IQCM: variants seen among roughly 807,000 people sequenced by gnomAD.
IQCM encodes the protein IQ domain-containing protein M.
IQCM carries 45 observed loss-of-function variants against 57.6 expected under a neutral mutation model. The ratio of observed to expected loss-of-function variants is 0.78; its 90% CI spans 0.62 to 1.00. The LOEUF (loss-of-function observed/expected upper bound fraction) is 1.00, where lower values mean the gene tolerates loss of function less well. IQCM is among the 50% of genes least tolerant of loss of function. The pLI, the probability that IQCM is intolerant of heterozygous loss-of-function variation, is 0.00. For synonymous variants in IQCM, 148 were observed against 158.9 expected (o/e 0.93, Z 0.51); for missense variants, 468 against 511.6 (o/e 0.91, Z 0.82).
chr4:149,648,495 A>G (rs1429119850), intron 7 of IQCM, among the ~76,000 whole-genome samples: 1 of 152,208 alleles, frequency 6.6e-6, no homozygotes, highest in African/African-American at 2.4e-5. Context: ...AAGTGCCGTA[A>G]TAAACATATA....
intron 9 of IQCM, among the ~76,000 whole-genome samples, chr4:149,578,187 C>T (rs908014562): frequency 4.0e-5 from 6 of 151,672 alleles, no homozygotes; most frequent in African/African-American, 7.3e-5. Context: ...ACCTCTCTTG[C>T]TATTTAGATA....
intron 12 of IQCM, among the ~76,000 whole-genome samples, chr4:149,464,666 G>A (rs1368676965): frequency 1.3e-5 from 2 of 151,998 alleles, no homozygotes; most frequent in Admixed American, 6.6e-5. Context: ...CTTGACCTAG[G>A]GGATCTACAT....
chr4:149,734,829 G>C lies in IQCM; in HGVS notation c.120+547C>G, dbSNP rs73857723. On this transcript the variant is annotated intron_variant, in intron 4 of 13. Transcript: ENST00000636793. ...CCTTTCACTCCTTCTTCTCACTTTC[G>C]AAATATATGCCATTCAGCAAATATT... 9.0e-3 allele frequency among the ~76,000 whole-genome samples: 1,367 copies of C among 151,908 alleles called. 10 individuals carry two copies. The highest frequency in any genetic ancestry group is 0.031 in the African/African-American group (1,268 of 41,430).
At chr4:149,468,157 GC>G (rs1241679704) in intron 12 of IQCM, among the ~76,000 whole-genome samples, 3 of 151,964 alleles carry the variant, frequency 2.0e-5, no homozygotes, top group African/African-American at 7.2e-5. Flanking sequence ...AGTGGATGCA[GC>G]CCATGGAGCT....
intron 5 of IQCM, among the ~76,000 whole-genome samples, chr4:149,712,508 T>C (rs1199824383): frequency 6.6e-6 from 1 of 152,138 alleles, no homozygotes; most frequent in Non-Finnish European, 1.5e-5. Flanking sequence ...TACGCTCATA[T>C]ATTCACTTCA....
intron 2 of IQCM, among the ~76,000 whole-genome samples, chr4:149,801,180 C>T (rs1262510925): frequency 2.0e-5 from 3 of 151,774 alleles, no homozygotes; most frequent in African/African-American, 7.3e-5. Flanking sequence ...ATCAAAACTA[C>T]AATGAGATCA....
At chr4:149,519,022 C>T (rs1745301126) in intron 12 of IQCM, among the ~76,000 whole-genome samples, 1 of 152,142 alleles carries the variant, frequency 6.6e-6, no homozygotes, top group South Asian at 2.1e-4. Context: ...GAGAAAAAAG[C>T]AGAGGAAAGA....
At chr4:149,676,700 T>G (rs551420448) in intron 7 of IQCM, among the ~76,000 whole-genome samples, 1 of 152,158 alleles carries the variant, frequency 6.6e-6, no homozygotes, top group South Asian at 2.1e-4. Context: ...AAGGCAAGGC[T>G]TCAAAAGGAA....
intron 13 of IQCM, among the ~76,000 whole-genome samples, chr4:149,428,237 G>A (rs1406131005): frequency 6.6e-6 from 1 of 151,596 alleles, no homozygotes; most frequent in African/African-American, 2.4e-5. Flanking sequence ...CAAAAAATTA[G>A]ATTAAAAAAT....
At chr4:149,744,796 C>A (rs1268690350) in intron 2 of IQCM, among the ~76,000 whole-genome samples, 1 of 151,868 alleles carries the variant, frequency 6.6e-6, no homozygotes, top group Admixed American at 6.6e-5. Context: ...TATTTAGTGC[C>A]TGAGCTGTGC....
At chr4:149,504,700 G>A (rs1044930375) in intron 12 of IQCM, among the ~76,000 whole-genome samples, 3 of 152,136 alleles carry the variant, frequency 2.0e-5, no homozygotes, top group South Asian at 4.1e-4. Context: ...GCTCACTTGA[G>A]GCCAGGAGTT....
chr4:149,484,117 T>TTTTG (rs886602549), intron 12 of IQCM, among the ~76,000 whole-genome samples: 11 of 152,028 alleles, frequency 7.2e-5, no homozygotes, highest in East Asian at 3.9e-4. Flanking sequence ...CCTGCTCTTT[T>TTTTG]TTTGTTTGTT....
rs559568745 is a variant in IQCM at position 149,743,485 on chromosome 4, A to G, written c.-48-746T>C. 2.1e-4 allele frequency among the ~76,000 whole-genome samples: 25 copies of G among 120,500 alleles called. 1 individual carries two copies. Among genetic ancestry groups the G allele is most frequent in the East Asian group, 2.4e-4 (1 of 4,250 alleles). 79.1% of individuals were successfully genotyped at this position (120,500 alleles called of 152,430 possible). ...TATCTATATTCCCAATTTTAGTCCTATACATTCCCAGTTAGACTCCAAATG... is the reference window on the plus strand; with the variant it reads ...TATCTATATTCCCAATTTTAGTCCTGTACATTCCCAGTTAGACTCCAAATG... On this transcript the variant is annotated intron_variant, in intron 2 of 13. Coordinates refer to ENST00000636793, the MANE Select transcript of IQCM (RefSeq NM_001363507.2).
intron 12 of IQCM, among the ~76,000 whole-genome samples, chr4:149,452,847 CAA>C (rs1189381739): frequency 6.7e-6 from 1 of 150,366 alleles, no homozygotes; most frequent in Non-Finnish European, 1.5e-5. Context: ...TATTCTCTAG[CAA>C]AGTTTAATTT....
intron 5 of IQCM, among the ~76,000 whole-genome samples, chr4:149,725,911 G>A (rs1420711165): frequency 6.6e-6 from 1 of 151,818 alleles, no homozygotes; most frequent in African/African-American, 2.4e-5. Context: ...CTATCTTCTT[G>A]TTCTACTAAT....
intron 9 of IQCM, among the ~76,000 whole-genome samples, chr4:149,564,419 C>T (rs534005354): frequency 3.3e-5 from 5 of 152,176 alleles, no homozygotes; most frequent in Non-Finnish European, 2.9e-5. Context: ...GTCTGCAATA[C>T]GGCTATGGGT....
intron 8 of IQCM, among the ~76,000 whole-genome samples, chr4:149,590,410 C>A (rs111258176): frequency 2.2e-3 from 330 of 151,688 alleles, no homozygotes; most frequent in African/African-American, 7.1e-3. Context: ...CTCTTAAATT[C>A]TTTCTCTCTT....
chr4:149,405,078 G>A (rs972601396), intron 13 of IQCM, among the ~76,000 whole-genome samples: 9 of 151,998 alleles, frequency 5.9e-5, no homozygotes, highest in African/African-American at 1.7e-4. Context: ...ATTCATTTAG[G>A]AGTCTCCTGT....
At chr4:149,637,864 C>T (rs1757858709) in intron 7 of IQCM, among the ~76,000 whole-genome samples, 1 of 152,070 alleles carries the variant, frequency 6.6e-6, no homozygotes, top group South Asian at 2.1e-4. Flanking sequence ...GCTAAAACAA[C>T]AAAGCTACCG....
Sources: gnomAD v4.1 joint callset for allele counts (sites outside exome capture counted in the v4.1 genomes callset) on GRCh38, gnomAD v4.1.1 for gene constraint, MANE v1.5 for transcripts, NCBI Gene and HGNC (gene_info 2026-07-23, HGNC 2026-07-21) for gene names.